Variants in JARID2 observed in about 807,000 individuals in gnomAD.
JARID2 encodes protein Jumonji.
A neutral mutation model predicts 125.6 loss-of-function variants in JARID2; 21 were observed. That is an observed-to-expected ratio of 0.17 (90% CI 0.12 to 0.24). The LOEUF (loss-of-function observed/expected upper bound fraction) is 0.24, where lower values mean the gene tolerates loss of function less well. Among genes scored for constraint, JARID2 ranks in the 10% least tolerant of loss-of-function variants. JARID2 has a pLI of 1.00. For missense variants in JARID2, 1,303 were observed against 1,639.6 expected (o/e 0.79, Z 3.55); for synonymous variants, 736 against 661.6 (o/e 1.11, Z -1.73).
At position 15,496,310 on chromosome 6, in the gene JARID2, C is replaced by G; in HGVS notation, c.1085C>G (p.Pro362Arg). Residue 362 changes from proline (P) to arginine (R), a missense_variant, in exon 7 of 18, where the codon CCC (proline) becomes CGC (arginine). Around this residue, in one of 11 missense-constraint regions of JARID2, gnomAD observed 651 missense variants for 581.6 expected, o/e 1.12. Transcript: ENST00000341776. ...AGAGAACTGGTCAAGGACACCAAACCCAATCACCACAAGCCCAGTTCCGCT... is the reference window on the plus strand; with the variant it reads ...AGAGAACTGGTCAAGGACACCAAACGCAATCACCACAAGCCCAGTTCCGCT... ...AKRELVKDTK[P>R]NHHKPSSAVN... 1.2e-6 allele frequency: 2 copies of G among 1,614,202 alleles called. No homozygotes were observed. Among genetic ancestry groups the G allele is most frequent in the East Asian group, 2.2e-5 (1 of 44,878 alleles).
At position 15,321,950 on chromosome 6, in the gene JARID2, C is replaced by T. The variant is rs117594949; in HGVS notation, c.46-52167C>T. Among the ~76,000 whole-genome samples the T allele has an allele frequency of 9.2e-5, 14 of 151,892 alleles. No homozygotes were observed. In the East Asian group the frequency reaches 2.7e-3, roughly 29 times the overall value. ...TGGGATTACACTGCCCAGCACTACG[C>T]CCAGCTAATTTTTTGTATTTTTACT... On this transcript the variant is annotated intron_variant, in intron 1 of 17. Transcript: ENST00000341776.
At chr6:15,483,925 A>G (rs1038059860) in intron 5 of JARID2, among the ~76,000 whole-genome samples, 1 of 152,204 alleles carries the variant, frequency 6.6e-6, no homozygotes. Context: ...TCTTTATGAT[A>G]TGACTTTACA....
intron 1 of JARID2, among the ~76,000 whole-genome samples, chr6:15,352,279 G>A (rs906441260): frequency 6.6e-6 from 1 of 152,086 alleles, no homozygotes; most frequent in African/African-American, 2.4e-5. Flanking sequence ...TAACAAGGAA[G>A]GCTCTCTTGT....
At chr6:15,455,183 A>C (rs1581588073) in intron 4 of JARID2, among the ~76,000 whole-genome samples, 2 of 126,714 alleles carry the variant, frequency 1.6e-5, no homozygotes, top group Admixed American at 1.7e-4. Flanking sequence ...ATTAAGTGGC[A>C]CTTTGTCTCA....
At chr6:15,519,304 C>A (rs1241786785) in intron 17 of JARID2, among the ~76,000 whole-genome samples, 1 of 152,132 alleles carries the variant, frequency 6.6e-6, no homozygotes, top group Admixed American at 6.5e-5. Flanking sequence ...ATTACAGATA[C>A]GTGTGGACCG....
At chr6:15,486,371 C>T (rs1769865314) in intron 5 of JARID2, among the ~76,000 whole-genome samples, 3 of 152,228 alleles carry the variant, frequency 2.0e-5, no homozygotes, top group African/African-American at 7.2e-5. Context: ...GTCTCTGCCT[C>T]ATGGGTAGGA....
At chr6:15,305,177 T>C (rs1581392218) in intron 1 of JARID2, among the ~76,000 whole-genome samples, 1 of 152,290 alleles carries the variant, frequency 6.6e-6, no homozygotes, top group East Asian at 1.9e-4. Flanking sequence ...ATCTTGGCCA[T>C]GTAGCTGGTA....
At chr6:15,349,578 A>G (rs1763357111) in intron 1 of JARID2, among the ~76,000 whole-genome samples, 1 of 152,172 alleles carries the variant, frequency 6.6e-6, no homozygotes, top group African/African-American at 2.4e-5. Flanking sequence ...TTGGCCAAAG[A>G]TCACTGATGG....
intron 2 of JARID2, among the ~76,000 whole-genome samples, chr6:15,407,827 T>G (rs1184097435): frequency 1.3e-5 from 2 of 152,220 alleles, no homozygotes; most frequent in Admixed American, 6.5e-5. Context: ...CTCCTAATTT[T>G]AGATTTTGAT....
intron 3 of JARID2, among the ~76,000 whole-genome samples, chr6:15,432,576 G>T (rs1357814318): frequency 6.6e-6 from 1 of 152,198 alleles, no homozygotes; most frequent in African/African-American, 2.4e-5. Flanking sequence ...CCCTCTAGAG[G>T]TTTCCCATTG....
rs1049123712 is a variant in JARID2 at position 15,283,301 on chromosome 6, C to T, written c.45+36717C>T. Among the ~76,000 whole-genome samples, 245 of 139,810 alleles carry T rather than the reference C, an allele frequency of 1.8e-3. 5 individuals carry two copies. Among genetic ancestry groups the T allele is most frequent in the African/African-American group, 6.1e-3 (226 of 36,954 alleles). The allele number at this position is 139,810 out of a possible 152,430, so 91.7% of individuals were successfully genotyped here. A position where few individuals can be genotyped will look rare whatever the true frequency, so the allele number is the denominator to read the frequency against. ...CCGTTCTGGTATTTATTGAATATGT[C>T]GCAAATATTGTCTCCTAGTCTGTCC... On this transcript the variant is annotated intron_variant, in intron 1 of 17. Transcript: ENST00000341776.
rs1379930830 is a variant in JARID2, at chr6:15,248,187, C to T, written c.45+1603C>T. The T allele has an allele frequency of 5.8e-6, 4 of 689,164 alleles. No individual in the cohort carries two copies. In the African/African-American group the frequency reaches 6.1e-5, roughly 10 times the overall value. 42.7% of individuals were successfully genotyped at this position (689,164 alleles called of 1,614,324 possible). A position where few individuals can be genotyped will look rare whatever the true frequency, so the allele number is the denominator to read the frequency against. ...CGAGTTAATGCACCGGGAGCAGAGCCGGTGTTCCCGACGTCCTCGAGCCGG... is the reference window on the plus strand; with the variant it reads ...CGAGTTAATGCACCGGGAGCAGAGCTGGTGTTCCCGACGTCCTCGAGCCGG... On this transcript the variant is annotated intron_variant, in intron 1 of 17. Transcript: ENST00000341776.
intron 13 of JARID2, among the ~76,000 whole-genome samples, chr6:15,511,787 C>G (rs1771291286): frequency 6.6e-6 from 1 of 152,156 alleles, no homozygotes; most frequent in Admixed American, 6.5e-5. Flanking sequence ...GAGTTCTGAC[C>G]AGCTTCTCTG....
chr6:15,520,439 G>C lies in JARID2; in HGVS notation c.*188G>C, dbSNP rs1435811471. The C allele has an allele frequency of 2.0e-6, 1 of 491,978 alleles. No homozygotes were observed. Among genetic ancestry groups the C allele is most frequent in the Non-Finnish European group, 3.5e-6 (1 of 285,676 alleles). 30.5% of individuals were successfully genotyped at this position (491,978 alleles called of 1,614,324 possible). On this transcript the variant is annotated 3_prime_UTR_variant, in exon 18 of 18. Transcript: ENST00000341776. ...CTTTTTTTTGTACTTAGAAAACCTAGATACTGCAGTCAGATTTTGGAAACT... is the reference window on the plus strand; with the variant it reads ...CTTTTTTTTGTACTTAGAAAACCTACATACTGCAGTCAGATTTTGGAAACT...
intron 1 of JARID2, among the ~76,000 whole-genome samples, chr6:15,342,681 T>A (rs1289886741): frequency 1.3e-5 from 2 of 152,204 alleles, no homozygotes; most frequent in Non-Finnish European, 2.9e-5. Context: ...TTTTCTAGTT[T>A]GTTAAAATTA....
chr6:15,475,261 C>A (rs144872868), intron 5 of JARID2, among the ~76,000 whole-genome samples: 6 of 152,282 alleles, frequency 3.9e-5, no homozygotes, highest in African/African-American at 1.4e-4. Context: ...TAGAGGGTTC[C>A]TTGCAATAAA....
chr6:15,251,532 C>T (rs1009125902), intron 1 of JARID2, among the ~76,000 whole-genome samples: 2 of 152,194 alleles, frequency 1.3e-5, no homozygotes, highest in African/African-American at 4.8e-5. Flanking sequence ...GACTGATATC[C>T]CAGGATACAG....
chr6:15,357,234 A>G (rs1027577810), intron 1 of JARID2, among the ~76,000 whole-genome samples: 1 of 152,232 alleles, frequency 6.6e-6, no homozygotes, highest in Admixed American at 6.5e-5. Flanking sequence ...TACGCTGAAT[A>G]AGTGCAGCCA....
chr6:15,415,117 G>A (rs1581527680), intron 3 of JARID2, among the ~76,000 whole-genome samples: 1 of 152,234 alleles, frequency 6.6e-6, no homozygotes, highest in East Asian at 1.9e-4. Flanking sequence ...GTTTCAGAGA[G>A]CACAGGGTTG....
Sources: allele counts gnomAD v4.1 joint callset (sites outside exome capture counted in the v4.1 genomes callset), GRCh38; gene constraint gnomAD v4.1.1; regional missense constraint gnomAD v4.1.1; transcripts MANE v1.5; gene names NCBI Gene and HGNC (gene_info 2026-07-23, HGNC 2026-07-21).